Variants in FAM111B observed in about 807,000 individuals in gnomAD.
FAM111B encodes serine protease FAM111B.
Under a neutral mutation model 2.8 loss-of-function variants are expected in FAM111B, and 1 was observed. That is an observed-to-expected ratio of 0.36 (90% CI 0.13 to 1.70). FAM111B has a LOEUF of 1.70. Among genes scored for constraint, FAM111B ranks in the 40% most tolerant of loss-of-function variants. The probability of loss-of-function intolerance (pLI) is 0.35; values close to 1 mark genes in which losing one functional copy is unlikely to be tolerated. For synonymous variants in FAM111B, 297 were observed against 295.6 expected, an observed-to-expected ratio of 1.00 and a Z score of -0.05; for missense variants, 882 against 878.9, an observed-to-expected ratio of 1.00 and a Z score of -0.04.
In FAM111B at chr11:59,109,596, G is replaced by A. The variant is rs753224430; in HGVS notation, c.-30G>A. Reference sequence around the variant, plus strand: ...TGTTTCTCCATCTTATCGAGTAGTAGAAGTTAGTTACATTCTCTTTGAACT... The same window carrying A: ...TGTTTCTCCATCTTATCGAGTAGTAAAAGTTAGTTACATTCTCTTTGAACT... On this transcript the variant is annotated 5_prime_UTR_variant, in exon 3 of 4. Coordinates refer to ENST00000343597, the MANE Select transcript of FAM111B (RefSeq NM_198947.4). 2 of 1,447,434 alleles carry A rather than the reference G, an allele frequency of 1.4e-6. No individual in the cohort carries two copies. Among genetic ancestry groups the A allele is most frequent in the South Asian group, 1.2e-5 (1 of 80,452 alleles). 89.7% of individuals were successfully genotyped at this position (1,447,434 alleles called of 1,614,324 possible).
rs769659482 is a variant in FAM111B at position 59,124,209 on chromosome 11, A to G, written c.112A>G (p.Thr38Ala). The change falls in exon 4 of 4, where the codon ACA (threonine) becomes GCA (alanine). Residue 38 changes from threonine to alanine, a missense_variant. Physicochemically the swap from Thr to Ala is moderately conservative, Grantham distance 58 (BLOSUM62 0). Coordinates refer to ENST00000343597, the MANE Select transcript of FAM111B (RefSeq NM_198947.4). ...TGTCATGAAGCAGACACATGCTGAC[A>G]CACCTGTTGATCATTGTCTATCTGG... ...DTVMKQTHADTPVDHCLSGIR... is the reference protein window; with the variant it reads ...DTVMKQTHADAPVDHCLSGIR... 9.3e-6 allele frequency: 15 copies of G among 1,613,024 alleles called. No individual in the cohort carries two copies. Among genetic ancestry groups the G allele is most frequent in the East Asian group, 2.2e-5 (1 of 44,880 alleles).
intron 3 of FAM111B, among the ~76,000 whole-genome samples, chr11:59,115,365 C>T (rs1032240531): frequency 6.6e-6 from 1 of 152,196 alleles, no homozygotes; most frequent in Non-Finnish European, 1.5e-5. Flanking sequence ...TTAACACCTG[C>T]AGGTCCCACC....
chr11:59,114,541 A>G (rs1859810550), intron 3 of FAM111B, among the ~76,000 whole-genome samples: 1 of 152,184 alleles, frequency 6.6e-6, no homozygotes, highest in Non-Finnish European at 1.5e-5. Flanking sequence ...AGAAATGACA[A>G]GTAGGTTTTG....
Position 59,126,114 on chromosome 11 carries a change from C to A in FAM111B, c.2017C>A (p.Arg673=), listed in dbSNP as rs147236932. 2.1e-5 allele frequency: 34 copies of A among 1,613,224 alleles called. No homozygotes were observed. Among genetic ancestry groups the A allele is most frequent in the Middle Eastern group, 3.3e-4 (2 of 6,060 alleles). The change falls in exon 4 of 4, where the codon CGA becomes AGA. Residue 673 remains arginine, a synonymous_variant. Coordinates refer to ENST00000343597, the MANE Select transcript of FAM111B (RefSeq NM_198947.4). ...GCATACCTTTGGGCTTTTTTATCAA[C>A]GAGGATTTAATGTGCATGCCCTTAT... The part of the protein sequence containing the change: ...ALHTFGLFYQ[R]GFNVHALIEF...
chr11:59,109,269 G>A (rs1456146071), intron 2 of FAM111B, among the ~76,000 whole-genome samples: 1 of 152,182 alleles, frequency 6.6e-6, no homozygotes, highest in Non-Finnish European at 1.5e-5. Flanking sequence ...TCCTGTGGCT[G>A]TCTTCTCCCT....
At position 59,125,636 on chromosome 11, in the gene FAM111B, G is replaced by A. The variant is rs200554962; in HGVS notation, c.1539G>A (p.Ala513=). The part of the protein sequence containing the change: ...SLWPDIISKC[A]KVTFTYTEFC... ...GGCCAGATATAATTAGCAAATGTGC[G>A]AAGGTAACCTTCACTTATACAGAGT... Residue 513 remains alanine (A), a synonymous_variant, in exon 4 of 4, where the codon GCG becomes GCA. Transcript: ENST00000343597. The A allele has an allele frequency of 8.6e-5, 138 of 1,613,960 alleles. No individual in the cohort carries two copies. The highest frequency in any genetic ancestry group is 2.0e-4 in the Admixed American group (12 of 60,012).
At position 59,125,253 on chromosome 11, in the gene FAM111B, A is replaced by C. The variant is rs1011854063; in HGVS notation, c.1156A>C (p.Asn386His). Reference sequence around the variant, plus strand: ...TCTGGATGTCCAAAAGGAGGCAATTAATCTCTTAAAGAATTATCAAACGTT... The same window carrying C: ...TCTGGATGTCCAAAAGGAGGCAATTCATCTCTTAAAGAATTATCAAACGTT... ...INLDVQKEAI[N>H]LLKNYQTLNE... is the part of the protein sequence containing the mutation. The change falls in exon 4 of 4, where the codon AAT becomes CAT. Residue 386 changes from asparagine to histidine, a missense_variant. Physicochemically the swap from Asn to His is moderately conservative, Grantham distance 68. Transcript: ENST00000343597. 3.7e-6 allele frequency: 6 copies of C among 1,613,806 alleles called. No individual in the cohort carries two copies. In the African/African-American group the frequency reaches 5.3e-5, roughly 14 times the overall value.
At chr11:59,112,607 G>A (rs1448704189) in intron 3 of FAM111B, among the ~76,000 whole-genome samples, 1 of 152,180 alleles carries the variant, frequency 6.6e-6, no homozygotes, top group Non-Finnish European at 1.5e-5. Flanking sequence ...ATGGCTGTAT[G>A]ATTTCTCATC....
intron 3 of FAM111B, among the ~76,000 whole-genome samples, chr11:59,119,026 C>G (rs1022492309): frequency 9.9e-5 from 15 of 152,180 alleles, no homozygotes; most frequent in Non-Finnish European, 2.2e-4. Flanking sequence ...GTATTGTACT[C>G]AATGCCTCAC....
At chr11:59,118,608 G>T (rs1436866958) in intron 3 of FAM111B, among the ~76,000 whole-genome samples, 1 of 152,104 alleles carries the variant, frequency 6.6e-6, no homozygotes, top group Non-Finnish European at 1.5e-5. Flanking sequence ...AAGAGATTCT[G>T]CCAGAGCAAA....
rs912844661 is a variant in FAM111B, at chr11:59,124,748, G to T, written c.651G>T (p.Lys217Asn). ...GTAAACTTTGTATTTATGCCTTGAA[G>T]GGTGAGACTATTGAAGGAGCCTTAT... ...KGSKLCIYALKGETIEGALCK... is the reference protein window; with the variant it reads ...KGSKLCIYALNGETIEGALCK... Residue 217 changes from lysine to asparagine, a missense_variant, in exon 4 of 4, where the codon AAG becomes AAT. Lys to Asn is a moderately conservative substitution (Grantham distance 94, BLOSUM62 0). Coordinates refer to ENST00000343597, the MANE Select transcript of FAM111B (RefSeq NM_198947.4). 4 of 1,613,708 alleles carry T rather than the reference G, an allele frequency of 2.5e-6. No homozygotes were observed. Among genetic ancestry groups the T allele is most frequent in the Non-Finnish European group, 3.4e-6 (4 of 1,179,808 alleles).
intron 3 of FAM111B, among the ~76,000 whole-genome samples, chr11:59,114,348 G>T (rs1412263025): frequency 6.6e-6 from 1 of 152,176 alleles, no homozygotes; most frequent in Non-Finnish European, 1.5e-5. Flanking sequence ...GATGCTTGAA[G>T]GGATAGAAGA....
Position 59,125,244 on chromosome 11 carries a change from G to T in FAM111B, c.1147G>T (p.Glu383Ter). The T allele has an allele frequency of 1.9e-6, 3 of 1,613,876 alleles. No homozygotes were observed. Among genetic ancestry groups the T allele is most frequent in the South Asian group, 1.1e-5 (1 of 91,068 alleles). ...TGCTATTAATCTGGATGTCCAAAAG[G>T]AGGCAATTAATCTCTTAAAGAATTA... ...RYAINLDVQK[E>*]AINLLKNYQT... is the part of the protein sequence containing the mutation. The change falls in exon 4 of 4, where the codon GAG (glutamate) becomes TAG (stop). Residue 383 changes from glutamate to a stop codon, truncating the protein, a stop_gained. Transcript: ENST00000343597. LOFTEE classifies it low-confidence loss of function (END_TRUNC).
Position 59,126,423 on chromosome 11 carries a change from C to A in FAM111B, c.*121C>A. ...GGCAAATGAGACCTAATTAAATCTT[C>A]TGCACAGCAAAAGAAACTATCAACA... On this transcript the variant is annotated 3_prime_UTR_variant, in exon 4 of 4. Transcript: ENST00000343597. 1 of 735,426 alleles carries A rather than the reference C, an allele frequency of 1.4e-6. No individual in the cohort carries two copies. The highest frequency in any genetic ancestry group is 2.1e-6 in the Non-Finnish European group (1 of 478,318). 45.6% of individuals were successfully genotyped at this position (735,426 alleles called of 1,614,324 possible).
rs576347598 is a variant in FAM111B at position 59,114,119 on chromosome 11, C to T, written c.81+4413C>T. ...TGCTCCGGCTAGGGAAGTCAAGAGG[C>T]CTCTGAAGTGGCCCTGAAGACACCC... On this transcript the variant is annotated intron_variant, in intron 3 of 3. Transcript: ENST00000343597. Among the ~76,000 whole-genome samples the T allele has an allele frequency of 3.9e-4, 60 of 152,300 alleles. 2 individuals carry two copies. The South Asian group carries it at 0.012, about 30-fold the overall frequency.
chr11:59,109,578 C>G lies in FAM111B; in HGVS notation c.-48C>G. On this transcript the variant is annotated 5_prime_UTR_variant, in exon 3 of 4. Transcript: ENST00000343597. ...CAGAATAAATTCAATCCTTGTTTCT[C>G]CATCTTATCGAGTAGTAGAAGTTAG... 7.8e-7 allele frequency: 1 copy of G among 1,274,558 alleles called. No individual in the cohort carries two copies. The highest frequency in any genetic ancestry group is 1.5e-5 in the African/African-American group (1 of 66,578). 79.0% of individuals were successfully genotyped at this position (1,274,558 alleles called of 1,614,324 possible). A position where few individuals can be genotyped will look rare whatever the true frequency, so the allele number is the denominator to read the frequency against.
At chr11:59,109,362 T>G (rs1414846844) in intron 2 of FAM111B, among the ~76,000 whole-genome samples, 178 bp from the exon 3 acceptor site, 3 of 152,216 alleles carry the variant, frequency 2.0e-5, no homozygotes, top group Non-Finnish European at 4.4e-5. Context: ...ACTACTAGAC[T>G]CTGCCTGTTT....
intron 3 of FAM111B, among the ~76,000 whole-genome samples, chr11:59,111,307 C>A (rs1007876829): frequency 6.6e-6 from 1 of 152,096 alleles, no homozygotes; most frequent in Admixed American, 6.5e-5. Context: ...CATTTCCATA[C>A]GTGTATGGCT....
rs369123457 is a variant in FAM111B, at chr11:59,119,289, G to A, written c.82-4890G>A. ...TTGGTTCCTTTTCCTCAACTCAGCT[G>A]CTACTGAGCGTTGCCTGGATTATTT... On this transcript the variant is annotated intron_variant, in intron 3 of 3. Transcript: ENST00000343597. Among the ~76,000 whole-genome samples the A allele has an allele frequency of 4.6e-5, 7 of 152,310 alleles. No individual in the cohort carries two copies. In the East Asian group the frequency reaches 1.2e-3, roughly 25 times the overall value.
Sources: gnomAD v4.1 joint callset for allele counts (sites outside exome capture counted in the v4.1 genomes callset) on GRCh38, gnomAD v4.1.1 for gene constraint, MANE v1.5 for transcripts, NCBI Gene and HGNC (gene_info 2026-07-23, HGNC 2026-07-21) for gene names.